Variants in KIZ observed in about 807,000 individuals in gnomAD.
The protein encoded by KIZ is centrosomal protein kizuna.
Under a neutral mutation model 79.6 loss-of-function variants are expected in KIZ, and 68 were observed. The ratio of observed to expected loss-of-function variants is 0.85; its 90% CI spans 0.70 to 1.05. The LOEUF is 1.05. KIZ is among the 50% of genes least tolerant of loss of function. KIZ has a pLI of 0.00. For synonymous variants in KIZ, 280 were observed against 281.8 expected, an observed-to-expected ratio of 0.99 and a Z score of 0.06; for missense variants, 797 against 800.4, an observed-to-expected ratio of 1.00 and a Z score of 0.05.
chr20:21,194,935 T>G (rs988763446), intron 6 of KIZ: 3 of 152,254 alleles, frequency 2.0e-5, no homozygotes, highest in Non-Finnish European at 4.4e-5. Flanking sequence ...TTAAGTTGTA[T>G]GCTCAGCATT....
intron 6 of KIZ, among the ~76,000 whole-genome samples, chr20:21,204,914 G>C (rs2035753498): frequency 1.3e-5 from 2 of 152,162 alleles, no homozygotes; most frequent in Admixed American, 1.3e-4. Flanking sequence ...CTACATGTGG[G>C]AGACTGACCA....
chr20:21,188,609 A>G (rs1213379881), intron 6 of KIZ, among the ~76,000 whole-genome samples: 2 of 151,452 alleles, frequency 1.3e-5, no homozygotes, highest in Non-Finnish European at 2.9e-5. Context: ...TTTTTAGTAG[A>G]TATTTAAAGC....
chr20:21,177,279 G>A (rs550618536), intron 6 of KIZ, among the ~76,000 whole-genome samples: 22 of 152,130 alleles, frequency 1.4e-4, no homozygotes, highest in East Asian at 3.9e-4. Flanking sequence ...GTGAATAGTC[G>A]TATGAACTGA....
intron 6 of KIZ, chr20:21,196,366 C>T (rs1409930636): frequency 6.6e-6 from 1 of 152,492 alleles, no homozygotes; most frequent in Non-Finnish European, 1.5e-5. Flanking sequence ...AGTGAAGCCC[C>T]TGAGACTCCA....
intron 6 of KIZ, among the ~76,000 whole-genome samples, chr20:21,178,704 A>G (rs1228714824): frequency 6.6e-6 from 1 of 152,130 alleles, no homozygotes; most frequent in Non-Finnish European, 1.5e-5. Context: ...ATTAGCTGTG[A>G]ACTTTATATA....
chr20:21,127,052 G>C (rs187282448), intron 1 of KIZ, among the ~76,000 whole-genome samples: 1 of 152,210 alleles, frequency 6.6e-6, no homozygotes, highest in African/African-American at 2.4e-5. Flanking sequence ...AGCTGTGTGC[G>C]TGACAGTGCT....
intron 3 of KIZ, among the ~76,000 whole-genome samples, chr20:21,142,211 A>G (rs1295008862): frequency 1.3e-5 from 2 of 152,124 alleles, no homozygotes; most frequent in East Asian, 1.9e-4. Flanking sequence ...TCCTTCAATT[A>G]GAAGGCCTTT....
chr20:21,182,754 G>A (rs2034709473), intron 6 of KIZ, among the ~76,000 whole-genome samples: 1 of 145,608 alleles, frequency 6.9e-6, no homozygotes. Context: ...CCGAGATTGT[G>A]CCACTGCACT....
At chr20:21,204,305 C>T (rs1054410594) in intron 6 of KIZ, among the ~76,000 whole-genome samples, 1 of 150,778 alleles carries the variant, frequency 6.6e-6, no homozygotes, top group Non-Finnish European at 1.5e-5. Context: ...TTAGTAGAGA[C>T]GGGGTTTCAC....
chr20:21,166,414 C>T (rs1461231711), intron 6 of KIZ: 2 of 1,596,116 alleles, frequency 1.3e-6, no homozygotes, highest in Admixed American at 3.3e-5. Flanking sequence ...AGGTTCACAA[C>T]AATTTCCCAG....
chr20:21,145,682 G>A, intron 4 of KIZ, 28 bp downstream of exon 4: 1 of 948,658 alleles, frequency 1.1e-6, no homozygotes, highest in Non-Finnish European at 1.6e-6. Flanking sequence ...TAACCTTTCT[G>A]TTAACAGAGG....
intron 4 of KIZ, among the ~76,000 whole-genome samples, chr20:21,155,626 T>G (rs2033343720): frequency 6.6e-6 from 1 of 152,210 alleles, no homozygotes; most frequent in Non-Finnish European, 1.5e-5. Context: ...CGCACAACTC[T>G]GCGAATATAC....
intron 4 of KIZ, among the ~76,000 whole-genome samples, chr20:21,150,125 C>T (rs2033046418): frequency 6.6e-6 from 1 of 152,166 alleles, no homozygotes. Flanking sequence ...TTTTTCCCCT[C>T]CAGGTCTGTC....
intron 9 of KIZ, among the ~76,000 whole-genome samples, chr20:21,220,779 C>T (rs964232017): frequency 7.9e-5 from 12 of 152,224 alleles, no homozygotes; most frequent in Non-Finnish European, 1.5e-5. Flanking sequence ...CACGCCCGGC[C>T]TACCCTGCCT....
intron 6 of KIZ, chr20:21,196,503 T>G (rs1317129506): frequency 6.6e-6 from 1 of 152,264 alleles, no homozygotes; most frequent in African/African-American, 2.4e-5. Context: ...GTGGGACCTC[T>G]TAAGGGCAGC....
At chr20:21,173,456 T>A (rs1230309546) in intron 6 of KIZ, among the ~76,000 whole-genome samples, 1 of 151,604 alleles carries the variant, frequency 6.6e-6, no homozygotes, top group Non-Finnish European at 1.5e-5. Flanking sequence ...CGGGTGCCTG[T>A]AATCCCAGCT....
At position 21,162,494 on chromosome 20, in the gene KIZ, G is replaced by C. The variant is rs1213822031; in HGVS notation, c.1029G>C (p.Trp343Cys). 6.2e-7 allele frequency: 1 copy of C among 1,611,686 alleles called. No homozygotes were observed. Among genetic ancestry groups the C allele is most frequent in the South Asian group, 1.1e-5 (1 of 90,830 alleles). The change falls in exon 5 of 13, where the codon TGG (tryptophan) becomes TGC (cysteine). Residue 343 changes from tryptophan to cysteine, a missense_variant. Coordinates refer to ENST00000619189, the MANE Select transcript of KIZ (RefSeq NM_018474.6). ...GGTCTCAAGAGAAGCATTCTCCTTG[G>C]GAAGGTGTTTCAGGTGGGATGAGAG... ...NKWSQEKHSP[W>C]EGVSDHLAHR... is the part of the protein sequence containing the mutation.
At chr20:21,225,533 T>C (rs2036629200) in intron 9 of KIZ, among the ~76,000 whole-genome samples, 1 of 152,222 alleles carries the variant, frequency 6.6e-6, no homozygotes, top group South Asian at 2.1e-4. Flanking sequence ...CTAAATTCTT[T>C]TCACCTTGGA....
intron 10 of KIZ, 61 bp downstream of exon 10, chr20:21,229,176 G>A (rs887389646): frequency 3.2e-6 from 3 of 936,068 alleles, no homozygotes; most frequent in South Asian, 2.8e-5. Flanking sequence ...CTGTGTTCGG[G>A]GAAGGGTGGT....
Sources: allele counts gnomAD v4.1 joint callset (sites outside exome capture counted in the v4.1 genomes callset), GRCh38; gene constraint gnomAD v4.1.1; transcripts MANE v1.5; gene names NCBI Gene and HGNC (gene_info 2026-07-23, HGNC 2026-07-21).